Variants in CSMD3 observed in about 807,000 individuals in gnomAD.
CSMD3 encodes CUB and sushi domain-containing protein 3.
In CSMD3, 177 loss-of-function variants were observed where a neutral mutation model predicts 435.2. That is an observed-to-expected ratio of 0.41 (90% CI 0.36 to 0.46). The LOEUF (loss-of-function observed/expected upper bound fraction) is 0.46, where lower values mean the gene tolerates loss of function less well. CSMD3 is among the 20% of genes least tolerant of loss of function. CSMD3 has a pLI of 0.34. For synonymous variants in CSMD3, 1,656 were observed against 1,520.5 expected (o/e 1.09, Z -2.07); for missense variants, 4,265 against 4,504.6 (o/e 0.95, Z 1.52).
chr8:113,048,024 C>G (rs2087910309), intron 5 of CSMD3, among the ~76,000 whole-genome samples: 1 of 151,228 alleles, frequency 6.6e-6, no homozygotes, highest in African/African-American at 2.4e-5. Flanking sequence ...TAAAGCAACT[C>G]TGAAATAATA....
intron 13 of CSMD3, among the ~76,000 whole-genome samples, chr8:112,798,619 T>C (rs922486643): frequency 2.0e-5 from 3 of 151,892 alleles, no homozygotes; most frequent in African/African-American, 4.8e-5. Flanking sequence ...TGCTCTACAA[T>C]GTACTTCCAG....
intron 69 of CSMD3, among the ~76,000 whole-genome samples, chr8:112,230,384 C>G (rs1279447987): frequency 6.6e-6 from 1 of 152,164 alleles, no homozygotes. Flanking sequence ...CAAACAGTTA[C>G]ATTTAACTAA....
intron 2 of CSMD3, among the ~76,000 whole-genome samples, chr8:113,288,994 T>TA (rs1191795984): frequency 6.6e-6 from 1 of 151,720 alleles, no homozygotes; most frequent in Non-Finnish European, 1.5e-5. Context: ...CATCTAATTA[T>TA]AAAAAAACTC....
At chr8:112,936,218 T>C (rs1014589949) in intron 9 of CSMD3, among the ~76,000 whole-genome samples, 18 of 151,982 alleles carry the variant, frequency 1.2e-4, no homozygotes, top group Middle Eastern at 3.2e-3. Context: ...CTATCTTGCT[T>C]ACCCTCAAAA....
At chr8:112,732,975 T>G (rs955338191) in intron 13 of CSMD3, among the ~76,000 whole-genome samples, 1 of 152,114 alleles carries the variant, frequency 6.6e-6, no homozygotes, top group East Asian at 1.9e-4. Context: ...TCAACTTAAC[T>G]TGATCTAAGA....
At chr8:112,517,418 C>T (rs771199288) in intron 27 of CSMD3, among the ~76,000 whole-genome samples, 193 bp from the exon 28 acceptor site, 1 of 151,804 alleles carries the variant, frequency 6.6e-6, no homozygotes, top group Admixed American at 6.6e-5. Flanking sequence ...ATTTTAGTTA[C>T]CAAATACTAG....
At chr8:112,561,264 T>C (rs1487685087) in intron 24 of CSMD3, among the ~76,000 whole-genome samples, 1 of 151,674 alleles carries the variant, frequency 6.6e-6, no homozygotes, top group Non-Finnish European at 1.5e-5. Context: ...AAAAACCGTA[T>C]ATGCTATAAA....
intron 12 of CSMD3, among the ~76,000 whole-genome samples, chr8:112,816,997 TGAA>T (rs2079392792): frequency 6.6e-6 from 1 of 152,060 alleles, no homozygotes; most frequent in Non-Finnish European, 1.5e-5. Context: ...AGTGATAGAA[TGAA>T]GAAGGTTTAG....
chr8:113,012,237 A>G (rs2086281684), intron 6 of CSMD3, among the ~76,000 whole-genome samples: 1 of 151,768 alleles, frequency 6.6e-6, no homozygotes, highest in Admixed American at 6.6e-5. Context: ...TAATTTAAAT[A>G]TATTATTTAT....
chr8:112,363,206 A>G (rs1471495437), intron 38 of CSMD3, among the ~76,000 whole-genome samples: 2 of 152,000 alleles, frequency 1.3e-5, no homozygotes, highest in African/African-American at 4.8e-5. Context: ...TCACAGTCAT[A>G]TTATGATACT....
intron 28 of CSMD3, among the ~76,000 whole-genome samples, chr8:112,508,082 A>G (rs1269446850): frequency 2.0e-5 from 3 of 152,252 alleles, no homozygotes; most frequent in African/African-American, 7.2e-5. Context: ...CTCCTAATCA[A>G]GATATCACCG....
chr8:112,497,390 T>A (rs944233794), intron 30 of CSMD3, among the ~76,000 whole-genome samples: 2 of 151,856 alleles, frequency 1.3e-5, no homozygotes, highest in African/African-American at 4.8e-5. Flanking sequence ...AAATAAATGA[T>A]AAATGCTTGA....
chr8:113,314,088 G>C (rs552791437), intron 2 of CSMD3: 1 of 152,230 alleles, frequency 6.6e-6, no homozygotes, highest in Non-Finnish European at 1.5e-5. Context: ...TGACATGAAA[G>C]TATGTAGTTT....
intron 7 of CSMD3, among the ~76,000 whole-genome samples, chr8:112,964,836 C>T (rs1238625853): frequency 6.6e-6 from 1 of 151,920 alleles, no homozygotes; most frequent in Non-Finnish European, 1.5e-5. Context: ...ATAGTCCATG[C>T]TTTAGAATAC....
At chr8:112,635,234 A>T (rs2074624841) in intron 22 of CSMD3, among the ~76,000 whole-genome samples, 1 of 152,206 alleles carries the variant, frequency 6.6e-6, no homozygotes, top group Non-Finnish European at 1.5e-5. Context: ...TGTCTGATTT[A>T]TATGACTAAT....
chr8:112,921,747 C>T lies in CSMD3; in HGVS notation c.1513G>A (p.Gly505Arg). ...TCACAAGAGAACTGCACAGTTGATC[C>T]AAGGCTAAAGTTAAATAAAAGAGAA... is the stretch of plus-strand genomic sequence containing the variant. ...GKRIGSDFSL[G>R]STVQFSCDED... The change falls in exon 10 of 71, where the codon GGA becomes AGA. Residue 505 changes from glycine to arginine, a missense_variant. Gly to Arg is a moderately radical substitution (Grantham distance 125). This residue lies in a region of CSMD3 where 731 missense variants were observed against 755.4 expected (regional missense o/e 0.97). Transcript: ENST00000297405. 6.2e-7 allele frequency: 1 copy of T among 1,607,102 alleles called. No homozygotes were observed. Among genetic ancestry groups the T allele is most frequent in the Non-Finnish European group, 8.5e-7 (1 of 1,174,200 alleles).
At chr8:112,827,213 T>A (rs2079723695) in intron 12 of CSMD3, among the ~76,000 whole-genome samples, 1 of 98,564 alleles carries the variant, frequency 1.0e-5, no homozygotes, top group Non-Finnish European at 2.0e-5. Context: ...ATATAATCTT[T>A]CTACCCACAA....
chr8:113,197,853 A>G (rs1034638653), intron 3 of CSMD3, among the ~76,000 whole-genome samples: 3 of 151,264 alleles, frequency 2.0e-5, no homozygotes, highest in African/African-American at 4.8e-5. Context: ...TTTATTAGAT[A>G]GCACAACATT....
chr8:112,466,980 A>G (rs367622849), intron 32 of CSMD3, among the ~76,000 whole-genome samples: 26 of 152,340 alleles, frequency 1.7e-4, no homozygotes, highest in Admixed American at 1.5e-3. Context: ...AATGAGAAAT[A>G]AGAAAGATAG....
Sources: allele counts gnomAD v4.1 joint callset (sites outside exome capture counted in the v4.1 genomes callset), GRCh38; gene constraint gnomAD v4.1.1; regional missense constraint gnomAD v4.1.1; transcripts MANE v1.5; gene names NCBI Gene and HGNC (gene_info 2026-07-23, HGNC 2026-07-21).